PKNOX1: variants seen among roughly 807,000 people sequenced by gnomAD.
The protein encoded by PKNOX1 is PBX/knotted 1 homeobox 1.
In PKNOX1, 15 loss-of-function variants were observed where a neutral mutation model predicts 51.9. The observed-to-expected ratio is 0.29, with a 90% CI of 0.19 to 0.45. The LOEUF (loss-of-function observed/expected upper bound fraction) is 0.45, where lower values mean the gene tolerates loss of function less well. Among genes scored for constraint, PKNOX1 ranks in the 20% least tolerant of loss-of-function variants. The pLI, the probability that PKNOX1 is intolerant of heterozygous loss-of-function variation, is 1.00. For missense variants in PKNOX1, 462 were observed against 547.5 expected (o/e 0.84, Z 1.56); for synonymous variants, 219 against 211.1 (o/e 1.04, Z -0.32).
In PKNOX1 at chr21:43,030,040, G is replaced by A; in HGVS notation, c.1250G>A (p.Gly417Asp). Residue 417 changes from glycine (G) to aspartate (D), a missense_variant, in exon 11 of 11, where the codon GGT (glycine) becomes GAT (aspartate). Coordinates refer to ENST00000291547, the MANE Select transcript of PKNOX1 (RefSeq NM_004571.5). The stretch of plus-strand genomic sequence containing the variant: ...GTGGACAGCACAGAGGAGGATGCGG[G>A]TGCCCTGGCCCCTGCCCACATCAGC... ...ESVDSTEEDA[G>D]ALAPAHISGL... 6.2e-7 allele frequency: 1 copy of A among 1,613,810 alleles called. No individual in the cohort carries two copies. Among genetic ancestry groups the A allele is most frequent in the Admixed American group, 1.7e-5 (1 of 60,018 alleles).
At chr21:43,000,293 T>C (rs1224530549) in intron 1 of PKNOX1, among the ~76,000 whole-genome samples, 1 of 152,158 alleles carries the variant, frequency 6.6e-6, no homozygotes, top group Non-Finnish European at 1.5e-5. Flanking sequence ...ATGCTGCTGA[T>C]AAAGACATAC....
chr21:43,010,925 G>A (rs865996005), intron 4 of PKNOX1, among the ~76,000 whole-genome samples: 8 of 152,094 alleles, frequency 5.3e-5, no homozygotes, highest in Non-Finnish European at 8.8e-5. Context: ...AAATGGACAC[G>A]GGGATTCAGT....
rs1448238740 is a variant in PKNOX1 at position 43,031,788 on chromosome 21, A to G, written c.*1687A>G. The G allele has an allele frequency of 1.2e-5, 2 of 162,650 alleles. No homozygotes were observed. Among genetic ancestry groups the G allele is most frequent in the African/African-American group, 4.8e-5 (2 of 41,742 alleles). The allele number at this position is 162,650 out of a possible 1,614,324, so 10.1% of individuals were successfully genotyped here. On this transcript the variant is annotated 3_prime_UTR_variant, in exon 11 of 11. Coordinates refer to ENST00000291547, the MANE Select transcript of PKNOX1 (RefSeq NM_004571.5). Reference sequence around the variant, plus strand: ...ATTGAGGTTAAGAAGTCAGTGGGAAACACACAGAAATTTGTTTTAAAATCT... The same window carrying G: ...ATTGAGGTTAAGAAGTCAGTGGGAAGCACACAGAAATTTGTTTTAAAATCT...
intron 5 of PKNOX1, among the ~76,000 whole-genome samples, chr21:43,016,413 G>A (rs935974606): frequency 2.6e-5 from 4 of 152,232 alleles, no homozygotes; most frequent in African/African-American, 9.6e-5. Context: ...CAAGAGTCAA[G>A]GTGGGTGCCA....
chr21:43,020,539 A>G (rs1324760379), intron 7 of PKNOX1: 1 of 152,270 alleles, frequency 6.6e-6, no homozygotes, highest in Non-Finnish European at 1.5e-5. Context: ...CCTGGGTGAC[A>G]GGAGGGAAGG....
chr21:43,001,803 A>T (rs1978766532), intron 1 of PKNOX1, among the ~76,000 whole-genome samples: 1 of 151,920 alleles, frequency 6.6e-6, no homozygotes. Context: ...TACTGAAAAG[A>T]CAAAAAATTA....
chr21:43,012,929 G>T, intron 4 of PKNOX1, 139 bp from the exon 5 acceptor site: 1 of 671,502 alleles, frequency 1.5e-6, no homozygotes, highest in Non-Finnish European at 2.6e-6. Flanking sequence ...TCAGTTTAGA[G>T]GATTTCTGAT....
At chr21:43,003,337 C>T (rs1978845471) in intron 1 of PKNOX1, among the ~76,000 whole-genome samples, 1 of 152,236 alleles carries the variant, frequency 6.6e-6, no homozygotes, top group Non-Finnish European at 1.5e-5. Context: ...TGCGTTCCTG[C>T]TCCATCCTTC....
chr21:43,011,328 C>T (rs1979241453), intron 4 of PKNOX1, among the ~76,000 whole-genome samples: 1 of 152,124 alleles, frequency 6.6e-6, no homozygotes, highest in Non-Finnish European at 1.5e-5. Context: ...CTCAGCCTCC[C>T]AAAGTGCAGG....
At chr21:43,007,686 GAA>G (rs1979060331) in intron 3 of PKNOX1, 68 bp downstream of exon 3, 1 of 1,553,324 alleles carries the variant, frequency 6.4e-7, no homozygotes, top group East Asian at 2.3e-5. Context: ...TTGTTAAAAG[GAA>G]CACCAGAACT....
chr21:42,975,945 G>A (rs2058994845), intron 1 of PKNOX1, among the ~76,000 whole-genome samples: 1 of 152,206 alleles, frequency 6.6e-6, no homozygotes, highest in South Asian at 2.1e-4. Flanking sequence ...AAGAATCGAG[G>A]TGAAATGTGA....
At chr21:42,977,982 C>T (rs955917562) in intron 1 of PKNOX1, among the ~76,000 whole-genome samples, 1 of 152,080 alleles carries the variant, frequency 6.6e-6, no homozygotes, top group African/African-American at 2.4e-5. Context: ...TCATACTTTC[C>T]ACATATCACC....
At chr21:42,991,277 A>G (rs1459457431) in intron 1 of PKNOX1, among the ~76,000 whole-genome samples, 1 of 151,902 alleles carries the variant, frequency 6.6e-6, no homozygotes, top group African/African-American at 2.4e-5. Context: ...GCTTGAAGCC[A>G]AGAGTTCGAT....
chr21:42,978,247 C>T (rs569167899), intron 1 of PKNOX1, among the ~76,000 whole-genome samples: 4 of 152,180 alleles, frequency 2.6e-5, no homozygotes, highest in African/African-American at 4.8e-5. Context: ...TCAAGTGATC[C>T]GCCCGCCTTG....
Position 42,999,641 on chromosome 21 carries a change from C to T in PKNOX1, c.-56-4685C>T, listed in dbSNP as rs940847073. ...GATTACAGGCGTGCACCACCAAGCC[C>T]GGCTAATTTTCGTATTTTTAGTAGA... is the stretch of plus-strand genomic sequence containing the variant. On this transcript the variant is annotated intron_variant, in intron 1 of 10. Coordinates refer to ENST00000291547, the MANE Select transcript of PKNOX1 (RefSeq NM_004571.5). Among the ~76,000 whole-genome samples the T allele has an allele frequency of 4.6e-5, 7 of 152,086 alleles. No individual in the cohort carries two copies. In the South Asian group the frequency reaches 8.3e-4, roughly 18 times the overall value.
At chr21:43,008,792 A>AG (rs1555860526) in intron 3 of PKNOX1, among the ~76,000 whole-genome samples, 2 of 151,462 alleles carry the variant, frequency 1.3e-5, no homozygotes, top group African/African-American at 4.9e-5. Flanking sequence ...AAAAAAAAAA[A>AG]TTTTTTTTTA....
At chr21:43,017,180 A>G in intron 6 of PKNOX1, 173 bp downstream of exon 6, 2 of 421,896 alleles carry the variant, frequency 4.7e-6, no homozygotes, top group Non-Finnish European at 8.5e-6. Context: ...AATAACAAAT[A>G]TTTTATGCAG....
At chr21:43,006,162 T>C (rs894798235) in intron 2 of PKNOX1, among the ~76,000 whole-genome samples, 2 of 152,164 alleles carry the variant, frequency 1.3e-5, no homozygotes, top group Admixed American at 1.3e-4. Flanking sequence ...CTTGCTCTGT[T>C]GCCCCGGCTG....
At position 43,016,959 on chromosome 21, in the gene PKNOX1, C is replaced by T. The variant is rs755432107; in HGVS notation, c.574C>T (p.Pro192Ser). ...CATCAGCCCTCAGGGAATTGTGGTG[C>T]CGGCGTCCGCGCTGCAGCAGGGAAA... ...GTISPQGIVV[P>S]ASALQQGNVA... The change falls in exon 6 of 11, where the codon CCG (proline) becomes TCG (serine). Residue 192 changes from proline to serine, a missense_variant. Physicochemically the swap from Pro to Ser is moderately conservative, Grantham distance 74 (BLOSUM62 -1). Coordinates refer to ENST00000291547, the MANE Select transcript of PKNOX1 (RefSeq NM_004571.5). 1.2e-6 allele frequency: 2 copies of T among 1,612,850 alleles called. No homozygotes were observed. The highest frequency in any genetic ancestry group is 2.7e-5 in the African/African-American group (2 of 75,030).
Sources: allele counts gnomAD v4.1 joint callset (sites outside exome capture counted in the v4.1 genomes callset), GRCh38; gene constraint gnomAD v4.1.1; transcripts MANE v1.5; gene names NCBI Gene and HGNC (gene_info 2026-07-23, HGNC 2026-07-21).